FGF13: variants seen among roughly 807,000 people sequenced by gnomAD.
The protein encoded by FGF13 is fibroblast growth factor 13, also known as fibroblast growth factor homologous factor 2.
FGF13 carries 2 observed loss-of-function variants against 19.5 expected under a neutral mutation model. The ratio of observed to expected loss-of-function variants is 0.10; its 90% confidence interval spans 0.04 to 0.32. The LOEUF (loss-of-function observed/expected upper bound fraction) is 0.32, where lower values mean the gene tolerates loss of function less well. Ranked by LOEUF, FGF13 falls within the 10% of genes least tolerant of loss-of-function variation. The pLI, the probability that FGF13 is intolerant of heterozygous loss-of-function variation, is 1.00. For synonymous variants in FGF13, 72 were observed against 76.9 expected (o/e 0.94, Z 0.33); for missense variants, 113 against 192.7 (o/e 0.59, Z 2.45).
intron 3 of FGF13, among the ~76,000 whole-genome samples, chrX:138,774,201 G>GA (rs1028836305): frequency 1.8e-5 from 2 of 111,398 alleles, no homozygotes; most frequent in African/African-American, 6.5e-5. Context: ...GTTTTCAAAA[G>GA]AAAAAACGAA....
At chrX:139,075,314 G>A (rs752776659) in intron 1 of FGF13, among the ~76,000 whole-genome samples, 34 of 111,737 alleles carry the variant, frequency 3.0e-4, no homozygotes, top group African/African-American at 1.0e-3. Context: ...GGCACTACCC[G>A]ATCCCACTGG....
At chrX:138,795,145 C>G (rs1428961149) in intron 3 of FGF13, among the ~76,000 whole-genome samples, 1 of 111,718 alleles carries the variant, frequency 9.0e-6, no homozygotes, top group Non-Finnish European at 1.9e-5. Flanking sequence ...ATTCATAAAC[C>G]TGAGAAATAA....
chrX:139,018,864 G>T (rs2092165358), intron 1 of FGF13, among the ~76,000 whole-genome samples: 1 of 109,931 alleles, frequency 9.1e-6, no homozygotes, highest in Non-Finnish European at 1.9e-5. Flanking sequence ...ACAATTAAAT[G>T]GTTTTTAGTA....
At chrX:138,691,552 G>A (rs5976187) in intron 3 of FGF13, among the ~76,000 whole-genome samples, 22,997 of 111,190 alleles carry the variant, frequency 0.21, 1,966 homozygotes, top group East Asian at 0.48. Flanking sequence ...CTTTCTATCA[G>A]ACATTTTTCA....
chrX:139,152,243 T>C (rs16993536), intron 1 of FGF13, among the ~76,000 whole-genome samples: 10,016 of 105,837 alleles, frequency 0.095, 1,039 homozygotes, highest in African/African-American at 0.29. Context: ...CAGACAAACA[T>C]TAAATTCAGA....
intron 1 of FGF13, among the ~76,000 whole-genome samples, chrX:139,123,886 C>T (rs1257988794): frequency 8.9e-6 from 1 of 112,570 alleles, no homozygotes; most frequent in Admixed American, 9.4e-5. Context: ...CACAAGTTCT[C>T]TTTCCCACTC....
At chrX:138,877,116 G>C (rs922345554) in intron 1 of FGF13, among the ~76,000 whole-genome samples, 48 of 111,313 alleles carry the variant, frequency 4.3e-4, no homozygotes, top group African/African-American at 1.5e-3. Context: ...GCCTGTCAGG[G>C]GGTGGTGGGG....
At chrX:138,953,542 G>A (rs1056441507) in intron 1 of FGF13, among the ~76,000 whole-genome samples, 5 of 111,107 alleles carry the variant, frequency 4.5e-5, no homozygotes, top group Non-Finnish European at 7.5e-5. Flanking sequence ...AATCCTGCAC[G>A]TTGTGCACAT....
At chrX:139,202,893 T>C (rs1427744502) in intron 1 of FGF13, among the ~76,000 whole-genome samples, 2 of 111,394 alleles carry the variant, frequency 1.8e-5, no homozygotes, top group Non-Finnish European at 3.8e-5. Flanking sequence ...TGCGGTCCAG[T>C]GTGCTTGGGG....
At chrX:139,171,607 A>G (rs1368936608) in intron 1 of FGF13, among the ~76,000 whole-genome samples, 1 of 111,632 alleles carries the variant, frequency 9.0e-6, no homozygotes, top group Non-Finnish European at 1.9e-5. Flanking sequence ...CTCCTGTAGT[A>G]ATGACTTTCA....
intron 3 of FGF13, among the ~76,000 whole-genome samples, chrX:138,848,116 G>C (rs2091196241): frequency 8.9e-6 from 1 of 112,232 alleles, no homozygotes; most frequent in Non-Finnish European, 1.9e-5. Context: ...TGGTCACAAG[G>C]TGGCAGATTA....
intron 1 of FGF13, among the ~76,000 whole-genome samples, chrX:138,991,107 A>G (rs1419604103): frequency 8.9e-6 from 1 of 111,976 alleles, no homozygotes; most frequent in Non-Finnish European, 1.9e-5. Flanking sequence ...AAGATAATAG[A>G]GCTGGACTGA....
intron 1 of FGF13, among the ~76,000 whole-genome samples, chrX:139,187,336 A>T (rs2040179170): frequency 8.9e-6 from 1 of 112,822 alleles, no homozygotes; most frequent in South Asian, 3.6e-4. Context: ...TTAAATATCA[A>T]TGTTCTTTTT....
intron 1 of FGF13, among the ~76,000 whole-genome samples, chrX:139,105,869 G>A (rs1413576419): frequency 8.9e-6 from 1 of 111,891 alleles, no homozygotes; most frequent in Non-Finnish European, 1.9e-5. Flanking sequence ...TTACAATAGG[G>A]CTTTTTTCTC....
In FGF13 at chrX:138,831,496, G is replaced by A. The variant is rs775814172; in HGVS notation, c.217+26016C>T. 1.3e-4 allele frequency among the ~76,000 whole-genome samples: 14 copies of A among 111,730 alleles called. No homozygotes were observed. The South Asian group carries it at 4.9e-3, about 39-fold the overall frequency. On this transcript the variant is annotated intron_variant, in intron 3 of 6. Transcript: ENST00000436198. ...CAGTGTATCCAAGAAGTGAGACATGGAGTCAAAGGAGATTATTCTCCAGCT... is the reference window on the plus strand; with the variant it reads ...CAGTGTATCCAAGAAGTGAGACATGAAGTCAAAGGAGATTATTCTCCAGCT...
intron 1 of FGF13, among the ~76,000 whole-genome samples, chrX:138,989,337 G>A (rs150228205): frequency 5.4e-5 from 6 of 111,581 alleles, no homozygotes; most frequent in Admixed American, 3.8e-4. Flanking sequence ...ACTTCCTACT[G>A]GATTTCCCTA....
At chrX:138,910,989 C>A (rs187522942) in intron 1 of FGF13, among the ~76,000 whole-genome samples, 73 of 110,068 alleles carry the variant, frequency 6.6e-4, no homozygotes, top group African/African-American at 2.3e-3. Context: ...TGGTCCCATG[C>A]CTATTCATTC....
chrX:139,089,010 A>C, intron 1 of FGF13, among the ~76,000 whole-genome samples: 1 of 112,563 alleles, frequency 8.9e-6, no homozygotes, highest in Middle Eastern at 4.6e-3. Flanking sequence ...TTGATCTTGG[A>C]CTTTTCAGCC....
At chrX:138,780,057 C>G (rs1196276982) in intron 3 of FGF13, among the ~76,000 whole-genome samples, 48 of 102,694 alleles carry the variant, frequency 4.7e-4, no homozygotes, top group East Asian at 4.3e-3. Flanking sequence ...TCATATCCAG[C>G]CAAACTAAGC....
Sources: gnomAD v4.1 joint callset for allele counts (sites outside exome capture counted in the v4.1 genomes callset) on GRCh38, gnomAD v4.1.1 for gene constraint, MANE v1.5 for transcripts, NCBI Gene and HGNC (gene_info 2026-07-23, HGNC 2026-07-21) for gene names.